Variants in ARID1B observed in about 807,000 individuals in gnomAD.
The protein encoded by ARID1B is AT-rich interaction domain 1B, also known as AT-rich interactive domain-containing protein 1B.
In ARID1B, 30 loss-of-function variants were observed where a neutral mutation model predicts 212.3. The observed-to-expected ratio is 0.14, with a 90% CI of 0.11 to 0.19. ARID1B has a LOEUF of 0.19. ARID1B is among the 10% of genes least tolerant of loss of function. ARID1B has a pLI of 1.00. For synonymous variants in ARID1B, 1,402 were observed against 1,301.7 expected, an observed-to-expected ratio of 1.08 and a Z score of -1.66; for missense variants, 2,891 against 3,204.0, an observed-to-expected ratio of 0.90 and a Z score of 2.36.
chr6:156,931,334 T>C (rs1224775911), intron 3 of ARID1B, among the ~76,000 whole-genome samples: 3 of 152,220 alleles, frequency 2.0e-5, no homozygotes, highest in Non-Finnish European at 1.5e-5. Flanking sequence ...TTTATTCATT[T>C]CCTAATGAAA....
In ARID1B at chr6:157,175,149, CT is replaced by C. The variant is rs1792013434; in HGVS notation, c.3504+147del. ...CATTATTTATCCATGAAAGGGTTTT[CT>C]TTATAAATAATAATATTAGTGACAA... On this transcript the variant is annotated intron_variant, in intron 11 of 19. Transcript: ENST00000636930. 5 of 693,178 alleles carry C rather than the reference CT, an allele frequency of 7.2e-6. No individual in the cohort carries two copies. The South Asian group carries it at 2.5e-4, about 35-fold the overall frequency. 42.9% of individuals were successfully genotyped at this position (693,178 alleles called of 1,614,324 possible). A position where few individuals can be genotyped will look rare whatever the true frequency, so the allele number is the denominator to read the frequency against.
At chr6:156,895,768 A>G (rs1237935503) in intron 2 of ARID1B, among the ~76,000 whole-genome samples, 1 of 152,200 alleles carries the variant, frequency 6.6e-6, no homozygotes, top group African/African-American at 2.4e-5. Context: ...ACATACACAC[A>G]GTATATATAG....
chr6:157,089,663 C>A (rs1348762850), intron 5 of ARID1B, among the ~76,000 whole-genome samples: 1 of 152,130 alleles, frequency 6.6e-6, no homozygotes, highest in Non-Finnish European at 1.5e-5. Context: ...CCCTCCAGTG[C>A]CATCACAAAT....
chr6:156,809,990 G>A (rs1443309212), intron 1 of ARID1B, among the ~76,000 whole-genome samples: 3 of 152,190 alleles, frequency 2.0e-5, no homozygotes, highest in Non-Finnish European at 4.4e-5. Context: ...ATGTGGCTGA[G>A]GAATCAGATT....
At chr6:156,780,675 A>G (rs976957357) in intron 1 of ARID1B, among the ~76,000 whole-genome samples, 5 of 152,270 alleles carry the variant, frequency 3.3e-5, no homozygotes, top group African/African-American at 1.2e-4. Flanking sequence ...AGCAAATGTA[A>G]GGTTCAGTAT....
intron 4 of ARID1B, among the ~76,000 whole-genome samples, chr6:156,947,095 G>A (rs948987704): frequency 1.3e-5 from 2 of 152,160 alleles, no homozygotes; most frequent in Non-Finnish European, 2.9e-5. Context: ...GTCTCTAACT[G>A]TAACTGGGAC....
intron 4 of ARID1B, among the ~76,000 whole-genome samples, chr6:157,041,619 G>A (rs73581961): frequency 4.6e-5 from 7 of 152,136 alleles, no homozygotes; most frequent in African/African-American, 1.2e-4. Flanking sequence ...CATATGAGAC[G>A]TGGACACTGT....
At chr6:156,976,420 T>C (rs1403334549) in intron 4 of ARID1B, 1 of 167,784 alleles carries the variant, frequency 6.0e-6, no homozygotes, top group Non-Finnish European at 1.3e-5. Context: ...CGGGGTGGAG[T>C]TGGGGGGACT....
intron 4 of ARID1B, among the ~76,000 whole-genome samples, chr6:157,005,813 T>G (rs1342218058): frequency 6.6e-6 from 1 of 152,154 alleles, no homozygotes; most frequent in Non-Finnish European, 1.5e-5. Flanking sequence ...CATTTCTACC[T>G]TTTTCACCAT....
At chr6:157,054,852 A>G (rs1223587798) in intron 4 of ARID1B, among the ~76,000 whole-genome samples, 1 of 152,216 alleles carries the variant, frequency 6.6e-6, no homozygotes, top group Non-Finnish European at 1.5e-5. Context: ...CCTCCTGTCC[A>G]TGGTTCACCG....
intron 7 of ARID1B, among the ~76,000 whole-genome samples, chr6:157,134,291 G>A (rs917302626): frequency 6.6e-6 from 1 of 152,218 alleles, no homozygotes. Context: ...TGAAAAGCGA[G>A]TTATTATCTT....
chr6:156,974,346 A>G (rs1777101809), intron 4 of ARID1B, among the ~76,000 whole-genome samples: 1 of 152,194 alleles, frequency 6.6e-6, no homozygotes. Context: ...GGGAAGCATT[A>G]TTGACTCTTC....
At chr6:157,183,384 A>G (rs1415742378) in intron 12 of ARID1B, among the ~76,000 whole-genome samples, 1 of 152,202 alleles carries the variant, frequency 6.6e-6, no homozygotes, top group Non-Finnish European at 1.5e-5. Context: ...TTAATATTTC[A>G]TTAAAAACCA....
intron 4 of ARID1B, among the ~76,000 whole-genome samples, chr6:156,963,069 A>G (rs559907648): frequency 6.6e-6 from 1 of 152,174 alleles, no homozygotes; most frequent in Non-Finnish European, 1.5e-5. Flanking sequence ...GGTGTGAGCC[A>G]CCGCGCCCGG....
At chr6:156,928,091 C>T (rs1405893453) in intron 3 of ARID1B, among the ~76,000 whole-genome samples, 2 of 152,120 alleles carry the variant, frequency 1.3e-5, no homozygotes, top group African/African-American at 4.8e-5. Flanking sequence ...CCCATGGGAC[C>T]CGAGCAGCTG....
At position 156,778,945 on chromosome 6, in the gene ARID1B, T is replaced by C; in HGVS notation, c.1265T>C (p.Val422Ala). Residue 422 changes from valine (V) to alanine (A), a missense_variant, in exon 1 of 20, where the codon GTG becomes GCG. This residue lies in a region of ARID1B where 1,643 missense variants were observed against 1,544.0 expected (regional missense o/e 1.06). Transcript: ENST00000636930. ...GCAGGAGGAGCAGGAGCGGGAGCTG[T>C]GGCGGCGGCGGCCGCGGCGGCGGCG... ...AGAGGAGAGA[V>A]AAAAAAAAAA... 7.8e-7 allele frequency: 1 copy of C among 1,277,236 alleles called. No individual in the cohort carries two copies. Among genetic ancestry groups the C allele is most frequent in the Non-Finnish European group, 9.8e-7 (1 of 1,021,950 alleles). The allele number at this position is 1,277,236 out of a possible 1,614,324, so 79.1% of individuals were successfully genotyped here.
chr6:157,132,179 A>T (rs1184157146), intron 6 of ARID1B, among the ~76,000 whole-genome samples: 1 of 152,222 alleles, frequency 6.6e-6, no homozygotes, highest in African/African-American at 2.4e-5. Flanking sequence ...TGGTAGAAGT[A>T]GAAATAAGGA....
At chr6:157,147,119 T>C (rs1789787187) in intron 7 of ARID1B, among the ~76,000 whole-genome samples, 1 of 152,002 alleles carries the variant, frequency 6.6e-6, no homozygotes, top group Non-Finnish European at 1.5e-5. Context: ...GTATCATGTG[T>C]ACCTTTGATT....
At chr6:156,804,782 G>A (rs956688046) in intron 1 of ARID1B, among the ~76,000 whole-genome samples, 5 of 143,012 alleles carry the variant, frequency 3.5e-5, no homozygotes, top group East Asian at 4.3e-4. Flanking sequence ...TCATATCAAC[G>A]TATCATGAAA....
Sources: gnomAD v4.1 joint callset for allele counts (sites outside exome capture counted in the v4.1 genomes callset) on GRCh38, gnomAD v4.1.1 for gene constraint, gnomAD v4.1.1 regional missense constraint, MANE v1.5 for transcripts, NCBI Gene and HGNC (gene_info 2026-07-23, HGNC 2026-07-21) for gene names.